CDH12: variants seen among roughly 807,000 people sequenced by gnomAD.
The protein encoded by CDH12 is cadherin 12.
A neutral mutation model predicts 74.1 loss-of-function variants in CDH12; 41 were observed. The observed-to-expected ratio is 0.55, with a 90% confidence interval of 0.43 to 0.72. CDH12 has a LOEUF of 0.72. CDH12 is among the 30% of genes least tolerant of loss of function. The pLI is 0.00. For synonymous variants in CDH12, 399 were observed against 355.0 expected (o/e 1.12, Z -1.39); for missense variants, 945 against 977.2 (o/e 0.97, Z 0.44).
At chr5:22,194,593 A>C (rs1452885866) in intron 4 of CDH12, among the ~76,000 whole-genome samples, 2 of 152,082 alleles carry the variant, frequency 1.3e-5, no homozygotes, top group Non-Finnish European at 2.9e-5. Flanking sequence ...CAGCCTCCTA[A>C]AATGCTGGGA....
At chr5:22,587,808 T>TA (rs1448195545) in intron 1 of CDH12, among the ~76,000 whole-genome samples, 5 of 151,586 alleles carry the variant, frequency 3.3e-5, no homozygotes. Context: ...ATTCAATAGA[T>TA]AGATACTAAA....
intron 4 of CDH12, among the ~76,000 whole-genome samples, chr5:22,125,980 A>T (rs1473207208): frequency 9.7e-5 from 11 of 112,960 alleles, no homozygotes; most frequent in South Asian, 9.3e-4. Flanking sequence ...TTTTAAATCT[A>T]TTGTGTATTT....
At chr5:22,470,387 T>C (rs1173979984) in intron 2 of CDH12, among the ~76,000 whole-genome samples, 1 of 148,138 alleles carries the variant, frequency 6.8e-6, no homozygotes, top group African/African-American at 2.5e-5. Context: ...TGAATGATTG[T>C]TACAATTATT....
At chr5:22,080,208 GT>G (rs1231634541) in intron 4 of CDH12, among the ~76,000 whole-genome samples, 1 of 152,140 alleles carries the variant, frequency 6.6e-6, no homozygotes, top group East Asian at 1.9e-4. Context: ...AAAACATGGT[GT>G]TTTTGTCAAC....
chr5:21,852,328 C>T (rs1448503873), intron 7 of CDH12, among the ~76,000 whole-genome samples: 1 of 151,346 alleles, frequency 6.6e-6, no homozygotes, highest in Admixed American at 6.6e-5. Flanking sequence ...TTTCACTCTT[C>T]GTTCTAAATA....
At chr5:22,094,389 TAATGG>T (rs1743620690) in intron 4 of CDH12, among the ~76,000 whole-genome samples, 1 of 152,154 alleles carries the variant, frequency 6.6e-6, no homozygotes, top group African/African-American at 2.4e-5. Context: ...TGTCAATACA[TAATGG>T]TATGAGTAGT....
chr5:22,671,195 C>A (rs1412859956), intron 1 of CDH12, among the ~76,000 whole-genome samples: 1 of 152,128 alleles, frequency 6.6e-6, no homozygotes, highest in Non-Finnish European at 1.5e-5. Context: ...GACACCACCA[C>A]CATAATCAAT....
chr5:22,492,776 T>G (rs1449164108), intron 2 of CDH12, among the ~76,000 whole-genome samples: 1 of 152,144 alleles, frequency 6.6e-6, no homozygotes, highest in Non-Finnish European at 1.5e-5. Flanking sequence ...TCCTTCCAGA[T>G]AGCATTCCCA....
intron 4 of CDH12, among the ~76,000 whole-genome samples, chr5:22,199,131 A>G (rs979198370): frequency 2.6e-5 from 4 of 152,170 alleles, no homozygotes; most frequent in Non-Finnish European, 5.9e-5. Flanking sequence ...GCTTACTCAG[A>G]TTCCTCCAAA....
intron 3 of CDH12, among the ~76,000 whole-genome samples, chr5:22,307,861 T>A (rs1738180133): frequency 6.8e-6 from 1 of 146,570 alleles, no homozygotes; most frequent in African/African-American, 2.5e-5. Flanking sequence ...ATATTTTTGC[T>A]GCTTTCTTTT....
intron 1 of CDH12, among the ~76,000 whole-genome samples, chr5:22,742,381 T>C (rs980115189): frequency 6.6e-6 from 1 of 151,970 alleles, no homozygotes. Context: ...CAAGGGAGAA[T>C]AGCAATAAGA....
chr5:22,319,111 G>A (rs1174252600), intron 3 of CDH12, among the ~76,000 whole-genome samples: 2 of 152,210 alleles, frequency 1.3e-5, no homozygotes, highest in Middle Eastern at 3.4e-3. Flanking sequence ...AAAAATCAGA[G>A]CTACTTAGAT....
At chr5:22,254,239 T>C (rs747492794) in intron 3 of CDH12, among the ~76,000 whole-genome samples, 3 of 151,872 alleles carry the variant, frequency 2.0e-5, no homozygotes, top group Non-Finnish European at 4.4e-5. Context: ...TAAATGAAGG[T>C]ACAGAATAAA....
At chr5:21,761,742 TATAGATAG>T (rs5866522) in intron 12 of CDH12, among the ~76,000 whole-genome samples, 92 of 147,460 alleles carry the variant, frequency 6.2e-4, no homozygotes, top group Admixed American at 2.0e-3. Flanking sequence ...GATGGATAGA[TATAGATAG>T]ATAGATAGAT....
chr5:22,431,915 A>G lies in CDH12; in HGVS notation c.-427-26564T>C, dbSNP rs116655258. On this transcript the variant is annotated intron_variant, in intron 2 of 14. Coordinates refer to ENST00000382254, the MANE Select transcript of CDH12 (RefSeq NM_004061.5). ...ATAAATTTTATAAAGTAAAGAAGGTACAGTAAGCTTACATCAATTTATTGT... is the reference window on the plus strand; with the variant it reads ...ATAAATTTTATAAAGTAAAGAAGGTGCAGTAAGCTTACATCAATTTATTGT... Among the ~76,000 whole-genome samples, 752 of 152,262 alleles carry G rather than the reference A, an allele frequency of 4.9e-3. 6 individuals carry two copies. The highest frequency in any genetic ancestry group is 0.017 in the African/African-American group (723 of 41,562).
chr5:21,952,691 T>C (rs965263354), intron 6 of CDH12, among the ~76,000 whole-genome samples: 2 of 152,118 alleles, frequency 1.3e-5, no homozygotes, highest in African/African-American at 4.8e-5. Flanking sequence ...ATTGGAGGAT[T>C]CGGTAGTTTG....
chr5:22,529,186 TATAGAGAGAGAGAGAG>T (rs1279121476), intron 1 of CDH12, among the ~76,000 whole-genome samples: 4,108 of 69,554 alleles, frequency 0.059, 101 homozygotes, highest in Middle Eastern at 0.14. Context: ...TATATATATA[TATAGAGAGAGAGAGAG>T]AGAGAGAGAG....
chr5:21,906,850 A>G (rs1393525869), intron 6 of CDH12, among the ~76,000 whole-genome samples: 1 of 152,068 alleles, frequency 6.6e-6, no homozygotes, highest in Non-Finnish European at 1.5e-5. Context: ...TTATTTATTT[A>G]TTTACATGTA....
At chr5:22,836,223 C>CTCTTTTTTTTTTTTTTTTTTTTTT (rs1736814730) in intron 1 of CDH12, among the ~76,000 whole-genome samples, 1 of 65,506 alleles carries the variant, frequency 1.5e-5, no homozygotes, top group African/African-American at 6.2e-5. Context: ...CTTTCTTTCT[C>CTCTTTTTTTTTTTTTTTTTTTTTT]TTTTTTTTTT....
Sources: allele counts gnomAD v4.1 joint callset (sites outside exome capture counted in the v4.1 genomes callset), GRCh38; gene constraint gnomAD v4.1.1; transcripts MANE v1.5; gene names NCBI Gene and HGNC (gene_info 2026-07-23, HGNC 2026-07-21).